Variants in IKZF1 observed in about 807,000 individuals in gnomAD.
IKZF1 encodes the protein IKAROS family zinc finger 1, also known as DNA-binding protein Ikaros.
A neutral mutation model predicts 51.7 loss-of-function variants in IKZF1; 10 were observed. The ratio of observed to expected loss-of-function variants is 0.19; its 90% confidence interval spans 0.12 to 0.33. IKZF1 has a LOEUF of 0.33. Ranked by LOEUF, IKZF1 falls within the 10% of genes least tolerant of loss-of-function variation. The pLI is 1.00. For missense variants in IKZF1, 484 were observed against 707.5 expected (o/e 0.68, Z 3.58); for synonymous variants, 280 against 282.3 (o/e 0.99, Z 0.08).
chr7:50,305,618 C>T (rs2153312610), intron 1 of IKZF1, among the ~76,000 whole-genome samples: 1 of 152,268 alleles, frequency 6.6e-6, no homozygotes, highest in African/African-American at 2.4e-5. Flanking sequence ...TGCAGCTTCC[C>T]TCTCTCTAGG....
chr7:50,364,565 G>T (rs1261925374), intron 3 of IKZF1, among the ~76,000 whole-genome samples: 2 of 152,246 alleles, frequency 1.3e-5, no homozygotes, highest in African/African-American at 4.8e-5. Context: ...TAATCCCACA[G>T]TGACTGCTTC....
At chr7:50,370,360 AATGTTTAATTATCC>A (rs1249136467) in intron 3 of IKZF1, among the ~76,000 whole-genome samples, 1 of 152,222 alleles carries the variant, frequency 6.6e-6, no homozygotes, top group Non-Finnish European at 1.5e-5. Context: ...TGCATTAAAA[AATGTTTAATTATCC>A]ATGAGCACAT....
intron 2 of IKZF1, among the ~76,000 whole-genome samples, chr7:50,325,920 C>T (rs1304877661): frequency 2.6e-5 from 4 of 152,176 alleles, no homozygotes; most frequent in Admixed American, 6.5e-5. Context: ...AATCCTGCTC[C>T]GTCTTTAACT....
chr7:50,346,945 T>G (rs1286629899), intron 3 of IKZF1, among the ~76,000 whole-genome samples: 3 of 152,238 alleles, frequency 2.0e-5, no homozygotes. Flanking sequence ...GTTCGATCTT[T>G]GCAGCCACGA....
intron 7 of IKZF1, among the ~76,000 whole-genome samples, chr7:50,395,830 G>A (rs61410584): frequency 0.015 from 2,312 of 152,206 alleles, 61 homozygotes; most frequent in African/African-American, 0.053. Context: ...TGTATTTGAT[G>A]AGCATTTTGA....
rs2153469171 is a variant in IKZF1, at chr7:50,376,624, G to T, written c.252G>T (p.Met84Ile). The T allele has an allele frequency of 1.2e-6, 2 of 1,614,004 alleles. No individual in the cohort carries two copies. Among genetic ancestry groups the T allele is most frequent in the Non-Finnish European group, 1.7e-6 (2 of 1,179,886 alleles). The change falls in exon 4 of 8, where the codon ATG (methionine) becomes ATT (isoleucine). Residue 84 changes from methionine to isoleucine, a missense_variant. By Grantham distance (10) the Met-to-Ile change is conservative (BLOSUM62 1). Coordinates refer to ENST00000331340, the MANE Select transcript of IKZF1 (RefSeq NM_006060.6). This position sits in a 1 kb window ranked among gnomAD's most constrained non-coding sequence, Gnocchi z 4.5. ...AAGAATGTGCGGAGGATTTACGAATGCTTGATGCCTCGGGAGAGAAAATGA... is the reference window on the plus strand; with the variant it reads ...AAGAATGTGCGGAGGATTTACGAATTCTTGATGCCTCGGGAGAGAAAATGA... ...NGEECAEDLRMLDASGEKMNG... is the reference protein window; with the variant it reads ...NGEECAEDLRILDASGEKMNG...
chr7:50,343,723 C>T (rs1354851286), intron 3 of IKZF1, among the ~76,000 whole-genome samples: 1 of 152,236 alleles, frequency 6.6e-6, no homozygotes, highest in Non-Finnish European at 1.5e-5. Flanking sequence ...GGCTGAAGGC[C>T]TAATGCACCA....
At chr7:50,390,749 A>G (rs1036827796) in intron 6 of IKZF1, among the ~76,000 whole-genome samples, 3 of 152,260 alleles carry the variant, frequency 2.0e-5, no homozygotes, top group African/African-American at 7.2e-5. Context: ...AACTTTTTAG[A>G]AGAAGAATAA....
At chr7:50,317,178 A>G (rs1640470934) in intron 1 of IKZF1, among the ~76,000 whole-genome samples, 1 of 152,216 alleles carries the variant, frequency 6.6e-6, no homozygotes, top group African/African-American at 2.4e-5. Flanking sequence ...TTAAGTCAGC[A>G]TTCTAAAAAT....
At chr7:50,308,854 T>G (rs1008562574) in intron 1 of IKZF1, 10 of 152,302 alleles carry the variant, frequency 6.6e-5, no homozygotes, top group African/African-American at 2.2e-4. Flanking sequence ...AAAGTCTGGA[T>G]TTGTGTGGAA....
At chr7:50,330,283 T>A (rs1025075139) in intron 3 of IKZF1, among the ~76,000 whole-genome samples, 2 of 152,234 alleles carry the variant, frequency 1.3e-5, no homozygotes, top group African/African-American at 4.8e-5. Context: ...AAAACCTCTT[T>A]GCTTTGCTTG....
intron 3 of IKZF1, among the ~76,000 whole-genome samples, chr7:50,342,842 C>T (rs1161829466): frequency 6.6e-6 from 1 of 152,170 alleles, no homozygotes; most frequent in Non-Finnish European, 1.5e-5. Context: ...CTAACCGCTG[C>T]TCTTCCTGCA....
intron 5 of IKZF1, among the ~76,000 whole-genome samples, chr7:50,385,220 T>C (rs1813010999): frequency 6.6e-6 from 1 of 152,188 alleles, no homozygotes; most frequent in Non-Finnish European, 1.5e-5. Flanking sequence ...CACACTGCTC[T>C]TGGGGAAAAA....
At chr7:50,356,164 T>G (rs1027007939) in intron 3 of IKZF1, among the ~76,000 whole-genome samples, 6 of 152,272 alleles carry the variant, frequency 3.9e-5, no homozygotes, top group African/African-American at 1.4e-4. Flanking sequence ...TAGTCCACTT[T>G]GCGTCTCAGC....
chr7:50,343,636 T>A (rs1799642295), intron 3 of IKZF1, among the ~76,000 whole-genome samples: 2 of 152,244 alleles, frequency 1.3e-5, no homozygotes, highest in African/African-American at 4.8e-5. Flanking sequence ...GTGGTTACAA[T>A]GTTACTGTCT....
At chr7:50,316,501 G>A (rs1206773896) in intron 1 of IKZF1, among the ~76,000 whole-genome samples, 1 of 152,234 alleles carries the variant, frequency 6.6e-6, no homozygotes, top group Non-Finnish European at 1.5e-5. Context: ...TTGCAGACTT[G>A]GCTGCTGACA....
chr7:50,359,285 A>G (rs1362401655), intron 3 of IKZF1, among the ~76,000 whole-genome samples: 1 of 152,186 alleles, frequency 6.6e-6, no homozygotes, highest in Admixed American at 6.5e-5. Context: ...AATAAAATAA[A>G]TTCTGCAACA....
intron 3 of IKZF1, among the ~76,000 whole-genome samples, chr7:50,333,027 A>G (rs1465123814): frequency 6.6e-6 from 1 of 152,036 alleles, no homozygotes; most frequent in Non-Finnish European, 1.5e-5. Context: ...AATCAGCACA[A>G]CTTAGGTCCT....
In IKZF1 at chr7:50,400,875, C is replaced by T; in HGVS notation, c.*248C>T. ...AGAACTGCTACCTTCCTAGATGTTTCCCCAGACCGCTGGCTGAGATTCCCT... is the reference window on the plus strand; with the variant it reads ...AGAACTGCTACCTTCCTAGATGTTTTCCCAGACCGCTGGCTGAGATTCCCT... On this transcript the variant is annotated 3_prime_UTR_variant, in exon 8 of 8. Transcript: ENST00000331340. The surrounding 1 kb of genome is among the most constrained non-coding windows in gnomAD (Gnocchi z 5.4). 1 of 536,314 alleles carries T rather than the reference C, an allele frequency of 1.9e-6. No individual in the cohort carries two copies. Among genetic ancestry groups the T allele is most frequent in the South Asian group, 2.4e-5 (1 of 42,494 alleles). The allele number at this position is 536,314 out of a possible 1,614,324, so 33.2% of individuals were successfully genotyped here. A position where few individuals can be genotyped will look rare whatever the true frequency, so the allele number is the denominator to read the frequency against.
Sources: allele counts gnomAD v4.1 joint callset (sites outside exome capture counted in the v4.1 genomes callset), GRCh38; gene constraint gnomAD v4.1.1; non-coding constraint Gnocchi (gnomAD v3.1); transcripts MANE v1.5; gene names NCBI Gene and HGNC (gene_info 2026-07-23, HGNC 2026-07-21).